Variants in DTNBP1 observed in about 807,000 individuals in gnomAD.
DTNBP1 encodes the protein dysbindin.
Under a neutral mutation model 42.8 loss-of-function variants are expected in DTNBP1, and 35 were observed. The observed-to-expected ratio is 0.82, with a 90% CI of 0.63 to 1.09. The LOEUF is 1.09. DTNBP1 is among the 50% of genes least tolerant of loss of function. The pLI is 0.00. For synonymous variants in DTNBP1, 171 were observed against 162.2 expected (o/e 1.05, Z -0.41); for missense variants, 457 against 424.2 (o/e 1.08, Z -0.68).
chr6:15,607,296 G>A (rs1266016592), intron 6 of DTNBP1, among the ~76,000 whole-genome samples: 1 of 150,808 alleles, frequency 6.6e-6, no homozygotes, highest in African/African-American at 2.4e-5. Context: ...ACTGTGCCCG[G>A]CCAAAATATT....
chr6:15,560,130 C>G (rs545179865), intron 7 of DTNBP1, among the ~76,000 whole-genome samples: 32 of 152,150 alleles, frequency 2.1e-4, no homozygotes, highest in African/African-American at 7.7e-4. Flanking sequence ...ACAGGGGGAA[C>G]CCCATCTCTA....
chr6:15,630,644 G>A (rs1483748893), intron 4 of DTNBP1, among the ~76,000 whole-genome samples: 5 of 152,148 alleles, frequency 3.3e-5, no homozygotes, highest in Non-Finnish European at 7.4e-5. Flanking sequence ...CAGGCTGGGT[G>A]CGGTGGCTCA....
Position 15,523,201 on chromosome 6 carries a change from C to A in DTNBP1, c.830G>T (p.Cys277Phe). 1 of 1,614,214 alleles carries A rather than the reference C, an allele frequency of 6.2e-7. No individual in the cohort carries two copies. Among genetic ancestry groups the A allele is most frequent in the Non-Finnish European group, 8.5e-7 (1 of 1,180,032 alleles). The change falls in exon 10 of 10, where the codon TGT becomes TTT. Residue 277 changes from cysteine to phenylalanine, a missense_variant. Coordinates refer to ENST00000344537, the MANE Select transcript of DTNBP1 (RefSeq NM_032122.5). ...SPALGPESSTCQNEITLQVPN... is the reference protein window; with the variant it reads ...SPALGPESSTFQNEITLQVPN... Reference sequence around the variant, plus strand: ...AACCTGGAGGGTAATCTCATTCTGACAGGTACTGGATTCAGGCCCTGCAAA... The same window carrying A: ...AACCTGGAGGGTAATCTCATTCTGAAAGGTACTGGATTCAGGCCCTGCAAA...
At chr6:15,531,449 T>C (rs1772820372) in intron 8 of DTNBP1, among the ~76,000 whole-genome samples, 1 of 152,164 alleles carries the variant, frequency 6.6e-6, no homozygotes, top group African/African-American at 2.4e-5. Context: ...GATACAAGAA[T>C]GGCAAAGGCT....
chr6:15,544,226 C>T (rs1773745015), intron 7 of DTNBP1, among the ~76,000 whole-genome samples: 1 of 152,146 alleles, frequency 6.6e-6, no homozygotes, highest in Non-Finnish European at 1.5e-5. Context: ...CTTGGGGTTT[C>T]TCCAAGCTAC....
At chr6:15,536,795 C>T (rs1773255510) in intron 7 of DTNBP1, among the ~76,000 whole-genome samples, 1 of 152,230 alleles carries the variant, frequency 6.6e-6, no homozygotes, top group Non-Finnish European at 1.5e-5. Flanking sequence ...TGACAGCTTG[C>T]ACCATGAATC....
intron 4 of DTNBP1, among the ~76,000 whole-genome samples, chr6:15,631,427 GAA>G (rs1409295883): frequency 5.3e-5 from 8 of 152,052 alleles, no homozygotes; most frequent in Non-Finnish European, 7.4e-5. Flanking sequence ...ATAATCAAAA[GAA>G]TGATTGTTGT....
At chr6:15,612,161 G>A (rs1004107136) in intron 6 of DTNBP1, among the ~76,000 whole-genome samples, 7 of 152,124 alleles carry the variant, frequency 4.6e-5, no homozygotes, top group African/African-American at 1.7e-4. Context: ...ACCACCACCT[G>A]ATAAGTCAGC....
chr6:15,595,042 C>T lies in DTNBP1; in HGVS notation c.489-1961G>A, dbSNP rs1291555943. 8.9e-6 allele frequency: 4 copies of T among 448,418 alleles called. No homozygotes were observed. In the East Asian group the frequency reaches 2.8e-4, roughly 31 times the overall value. The allele number at this position is 448,418 out of a possible 1,614,324, so 27.8% of individuals were successfully genotyped here. A position where few individuals can be genotyped will look rare whatever the true frequency, so the allele number is the denominator to read the frequency against. On this transcript the variant is annotated intron_variant, in intron 6 of 9. Transcript: ENST00000344537. ...TCCTGCTCACCCTGCAACCGTCTGT[C>T]TGCTGCTGTGAAGAGGACAAGCCCA...
At chr6:15,542,017 G>A (rs537697580) in intron 7 of DTNBP1, among the ~76,000 whole-genome samples, 1 of 152,242 alleles carries the variant, frequency 6.6e-6, no homozygotes, top group South Asian at 2.1e-4. Context: ...CATATGAATT[G>A]AGAAAAATTC....
intron 7 of DTNBP1, among the ~76,000 whole-genome samples, chr6:15,572,754 CAG>C (rs1402595188): frequency 6.6e-6 from 1 of 152,196 alleles, no homozygotes; most frequent in African/African-American, 2.4e-5. Flanking sequence ...TTTCTAGAGA[CAG>C]AGTCTTGCTC....
intron 7 of DTNBP1, among the ~76,000 whole-genome samples, chr6:15,551,167 A>T (rs1164758219): frequency 6.6e-6 from 1 of 152,090 alleles, no homozygotes; most frequent in East Asian, 1.9e-4. Flanking sequence ...GAAAAAAAAA[A>T]TGCAGCAGCT....
intron 6 of DTNBP1, among the ~76,000 whole-genome samples, chr6:15,598,052 TA>T (rs1425961193): frequency 6.6e-6 from 1 of 152,204 alleles, no homozygotes; most frequent in Admixed American, 6.5e-5. Context: ...AAATTTAGCA[TA>T]ACCCTAAAAC....
At chr6:15,551,901 GC>G (rs1314251665) in intron 7 of DTNBP1, among the ~76,000 whole-genome samples, 1 of 152,208 alleles carries the variant, frequency 6.6e-6, no homozygotes, top group East Asian at 1.9e-4. Flanking sequence ...CAAAGCCACA[GC>G]CAGCAGTCAC....
intron 6 of DTNBP1, among the ~76,000 whole-genome samples, chr6:15,605,719 T>C (rs1292033355): frequency 6.6e-6 from 1 of 152,230 alleles, no homozygotes; most frequent in Non-Finnish European, 1.5e-5. Flanking sequence ...ATATTAGCTC[T>C]TCTTTCTTTA....
intron 7 of DTNBP1, among the ~76,000 whole-genome samples, chr6:15,547,276 T>A (rs543511246): frequency 1.3e-5 from 2 of 152,216 alleles, no homozygotes; most frequent in African/African-American, 4.8e-5. Flanking sequence ...TTCTCCACAT[T>A]TGGCAGCATC....
At chr6:15,627,120 T>C (rs1759390878) in intron 5 of DTNBP1, among the ~76,000 whole-genome samples, 1 of 152,178 alleles carries the variant, frequency 6.6e-6, no homozygotes, top group South Asian at 2.1e-4. Context: ...TAATTATAAT[T>C]ATGTGTCCGG....
At chr6:15,545,981 C>T (rs1305726208) in intron 7 of DTNBP1, 1 of 435,716 alleles carries the variant, frequency 2.3e-6, no homozygotes, top group Non-Finnish European at 4.5e-6. Flanking sequence ...TCACCTCCCA[C>T]CATGCACCCT....
chr6:15,523,562 CT>C (rs5874516), intron 9 of DTNBP1: 40,370 of 1,085,706 alleles, frequency 0.037, no homozygotes, highest in South Asian at 0.041. Context: ...ATCTAGATTT[CT>C]TTTTTTTTTT....
Sources: gnomAD v4.1 joint callset for allele counts (sites outside exome capture counted in the v4.1 genomes callset) on GRCh38, gnomAD v4.1.1 for gene constraint, MANE v1.5 for transcripts, NCBI Gene and HGNC (gene_info 2026-07-23, HGNC 2026-07-21) for gene names.